The following NEB variants were observed in gnomAD, a reference collection of about 807,000 sequenced individuals.
NEB encodes nemaline myopathy type 2.
In NEB, 512 loss-of-function variants were observed where a neutral mutation model predicts 952.2. That is an observed-to-expected ratio of 0.54 (90% confidence interval 0.50 to 0.58). The LOEUF (loss-of-function observed/expected upper bound fraction) is 0.58, where lower values mean the gene tolerates loss of function less well. Ranked by LOEUF, NEB falls within the 20% of genes least tolerant of loss-of-function variation. The pLI, the probability that NEB is intolerant of heterozygous loss-of-function variation, is 0.00. For synonymous variants in NEB, 2,900 were observed against 3,149.8 expected, an observed-to-expected ratio of 0.92 and a Z score of 2.66; for missense variants, 8,428 against 9,231.1, an observed-to-expected ratio of 0.91 and a Z score of 3.56.
intron 45 of NEB, among the ~76,000 whole-genome samples, chr2:151,663,269 T>C (rs987930966): frequency 6.6e-6 from 1 of 152,182 alleles, no homozygotes; most frequent in African/African-American, 2.4e-5. Context: ...GACATATTCC[T>C]TTCAATACAC....
chr2:151,505,541 TC>T lies in NEB; in HGVS notation c.23678del (p.Gly7893GlufsTer10). The T allele has an allele frequency of 6.2e-7, 1 of 1,613,856 alleles. No individual in the cohort carries two copies. Among genetic ancestry groups the T allele is most frequent in the Non-Finnish European group, 8.5e-7 (1 of 1,179,748 alleles). ...SVKYKEAIGQ[G>X]TPIPDLPEVK... ...CTTCAGGCAGGTCAGGGATTGGAGT[TC>T]CTTGTCCTATTGCTTCCTTATACTT... On this transcript the variant is annotated frameshift_variant, in exon 165 of 182. Coordinates refer to ENST00000397345, the MANE Select transcript of NEB (RefSeq NM_001164508.2). LOFTEE classifies it high-confidence loss of function.
intron 125 of NEB, 117 bp from the exon 126 acceptor site, chr2:151,554,142 T>C (rs2095494060): frequency 6.9e-6 from 6 of 867,224 alleles, no homozygotes; most frequent in Non-Finnish European, 1.1e-5. Context: ...GGGCAGTGAC[T>C]GGTATTTTCT....
chr2:151,554,123 T>C (rs2095492486), intron 125 of NEB, 98 bp from the exon 126 acceptor site: 5 of 1,112,426 alleles, frequency 4.5e-6, no homozygotes, highest in Non-Finnish European at 6.8e-6. Context: ...CAGCGAACAG[T>C]TGGGGGCAGG....
intron 28 of NEB, among the ~76,000 whole-genome samples, 152 bp from the exon 29 acceptor site, chr2:151,682,921 A>T (rs2099432881): frequency 6.6e-6 from 1 of 152,140 alleles, no homozygotes; most frequent in Admixed American, 6.6e-5. Context: ...CTTTGGTGAG[A>T]TATAGTAACA....
intron 63 of NEB, among the ~76,000 whole-genome samples, chr2:151,637,136 G>A (rs1427684367): frequency 6.6e-6 from 1 of 152,190 alleles, no homozygotes; most frequent in East Asian, 1.9e-4. Context: ...AGAACTGATG[G>A]AGAGACTGAT....
intron 105 of NEB, among the ~76,000 whole-genome samples, 158 bp from the exon 106 acceptor site, chr2:151,576,512 AT>A: frequency 3.5e-5 from 1 of 28,932 alleles, no homozygotes; most frequent in South Asian, 1.4e-3. Flanking sequence ...ATATATATAT[AT>A]ATATTTTTTT....
rs747474929 is a variant in NEB, at chr2:151,498,393, A to G, written c.24115-41T>C. On this transcript the variant is annotated intron_variant, in intron 169 of 181. Coordinates refer to ENST00000397345, the MANE Select transcript of NEB (RefSeq NM_001164508.2). ...GCATCCAGAACAAAAAAAGCAATCA[A>G]TCAGTCATTTTCCCCCTGCTTTGGA... 97 of 1,422,770 alleles carry G rather than the reference A, an allele frequency of 6.8e-5. 1 individual carries two copies. In the South Asian group the frequency reaches 9.7e-4, roughly 14 times the overall value. The allele number at this position is 1,422,770 out of a possible 1,614,324, so 88.1% of individuals were successfully genotyped here.
intron 127 of NEB, 136 bp downstream of exon 127, chr2:151,553,262 C>A (rs2095442274): frequency 1.4e-6 from 1 of 707,624 alleles, no homozygotes; most frequent in East Asian, 2.7e-5. Flanking sequence ...GGTTGCTCTG[C>A]TCCTAGCAAC....
chr2:151,697,419 T>A lies in NEB; in HGVS notation c.1296A>T (p.Gly432=), dbSNP rs751665091. The A allele has an allele frequency of 5.6e-6, 9 of 1,613,884 alleles. No individual in the cohort carries two copies. In the Admixed American group the frequency reaches 1.0e-4, roughly 18 times the overall value. ...GATCCTCGAAGCTGCCTACATAATGTCCCAAAATATCTTTTAAGTAGGAAT... is the reference window on the plus strand; with the variant it reads ...GATCCTCGAAGCTGCCTACATAATGACCCAAAATATCTTTTAAGTAGGAAT... The part of the protein sequence containing the change: ...YKDSYLKDIL[G]HYVGSFEDPY... Residue 432 remains glycine, a synonymous_variant, in exon 15 of 182, where the codon GGA becomes GGT. Coordinates refer to ENST00000397345, the MANE Select transcript of NEB (RefSeq NM_001164508.2).
Position 151,512,846 on chromosome 2 carries a change from C to A in NEB, c.23242-9G>T, listed in dbSNP as rs1328112461. On this transcript the variant is annotated splice_polypyrimidine_tract_variant and intron_variant, in intron 160 of 181. Coordinates refer to ENST00000397345, the MANE Select transcript of NEB (RefSeq NM_001164508.2). The stretch of plus-strand genomic sequence containing the variant: ...GATTGCTTATACTTAATCTGTAAAA[C>A]AACACCGAATAGTTGGGTAAATGTT... 3.8e-6 allele frequency: 6 copies of A among 1,580,316 alleles called. No homozygotes were observed. The highest frequency in any genetic ancestry group is 3.5e-6 in the Non-Finnish European group (4 of 1,151,062).
At chr2:151,513,193 A>G (rs111280849) in intron 160 of NEB, among the ~76,000 whole-genome samples, 1 of 152,284 alleles carries the variant, frequency 6.6e-6, no homozygotes, top group African/African-American at 2.4e-5. Flanking sequence ...ATGCCTAAAA[A>G]CTGTTCTAAA....
intron 38 of NEB, among the ~76,000 whole-genome samples, chr2:151,669,724 G>A (rs2099262997): frequency 6.6e-6 from 1 of 152,186 alleles, no homozygotes; most frequent in East Asian, 1.9e-4. Context: ...TTGTCAAGTT[G>A]ATGAGTTTAG....
rs2099679563 is a variant in NEB, at chr2:151,702,663, G to A, written c.1152+4218C>T. 3.3e-5 allele frequency among the ~76,000 whole-genome samples: 5 copies of A among 151,962 alleles called. No individual in the cohort carries two copies. The East Asian group carries it at 9.7e-4, about 29-fold the overall frequency. ...TTTGATCTTTGTTGGTTTAAAGTCT[G>A]TTTTATCAGAGACTAGGATTGCAAC... On this transcript the variant is annotated intron_variant, in intron 13 of 181. Coordinates refer to ENST00000397345, the MANE Select transcript of NEB (RefSeq NM_001164508.2).
intron 20 of NEB, among the ~76,000 whole-genome samples, chr2:151,693,535 C>T (rs772366399): frequency 1.3e-5 from 2 of 151,692 alleles, no homozygotes; most frequent in East Asian, 3.9e-4. Context: ...TCTGTTCCTG[C>T]GTTAGTTTGC....
chr2:151,627,462 G>C, intron 69 of NEB, 61 bp downstream of exon 69: 1 of 1,579,780 alleles, frequency 6.3e-7, no homozygotes, highest in Non-Finnish European at 8.7e-7. Context: ...CTAGACCACT[G>C]TCTCAGTATT....
intron 133 of NEB, among the ~76,000 whole-genome samples, chr2:151,546,814 CT>C (rs2094776603): frequency 2.0e-5 from 3 of 152,306 alleles, no homozygotes; most frequent in Admixed American, 6.5e-5. Flanking sequence ...CCACCTCAGC[CT>C]CCCAAAGTGC....
chr2:151,676,997 T>C (rs1230373129), intron 34 of NEB, among the ~76,000 whole-genome samples: 1 of 152,202 alleles, frequency 6.6e-6, no homozygotes, highest in East Asian at 1.9e-4. Flanking sequence ...CTTTAGAAAC[T>C]TTGACTTTAG....
At chr2:151,686,612 T>G (rs1005770743) in intron 27 of NEB, among the ~76,000 whole-genome samples, 8 of 152,156 alleles carry the variant, frequency 5.3e-5, no homozygotes, top group Non-Finnish European at 8.8e-5. Context: ...CAAAATGAAT[T>G]AAAGAGGTAT....
intron 13 of NEB, 66 bp from the exon 14 acceptor site, chr2:151,697,714 C>A (rs549857007): frequency 2.1e-6 from 2 of 971,866 alleles, no homozygotes; most frequent in African/African-American, 3.3e-5. Context: ...ATAACACTTA[C>A]ATTTTCTAAC....
Sources: gnomAD v4.1 joint callset for allele counts (sites outside exome capture counted in the v4.1 genomes callset) on GRCh38, gnomAD v4.1.1 for gene constraint, MANE v1.5 for transcripts, NCBI Gene and HGNC (gene_info 2026-07-23, HGNC 2026-07-21) for gene names.